Variants in PSAP observed in about 807,000 individuals in gnomAD.
The protein encoded by PSAP is precursor of saposins.
A neutral mutation model predicts 66.0 loss-of-function variants in PSAP; 25 were observed. The observed-to-expected ratio is 0.38, with a 90% CI of 0.28 to 0.53. The LOEUF (loss-of-function observed/expected upper bound fraction) is 0.53. Ranked by LOEUF, PSAP falls within the 20% of genes least tolerant of loss-of-function variation. The probability of loss-of-function intolerance (pLI) is 0.83; values close to 1 mark genes in which losing one functional copy is unlikely to be tolerated. For missense variants in PSAP, 649 were observed against 668.8 expected (o/e 0.97, Z 0.33); for synonymous variants, 273 against 258.9 (o/e 1.05, Z -0.52).
chr10:71,835,258 T>C (rs1255831736), intron 1 of PSAP, among the ~76,000 whole-genome samples: 1 of 147,732 alleles, frequency 6.8e-6, no homozygotes, highest in African/African-American at 2.5e-5. Flanking sequence ...AAAATAAAAA[T>C]TAAAATTAAA....
At chr10:71,817,652 G>A (rs1179768402) in intron 13 of PSAP, among the ~76,000 whole-genome samples, 176 bp from the exon 14 acceptor site, 1 of 152,190 alleles carries the variant, frequency 6.6e-6, no homozygotes, top group Admixed American at 6.5e-5. Context: ...GGAACACGTG[G>A]CCATCAGAGT....
chr10:71,822,690 C>A (rs565516413), intron 7 of PSAP: 17 of 471,232 alleles, frequency 3.6e-5, no homozygotes, highest in South Asian at 2.2e-4. Flanking sequence ...AAGAGTGAGA[C>A]AAGTGTATAG....
At chr10:71,822,292 G>C in intron 7 of PSAP, 1 of 482,762 alleles carries the variant, frequency 2.1e-6, no homozygotes, top group South Asian at 2.0e-5. Context: ...AGACTCCCCA[G>C]CACCTTCCAC....
At chr10:71,823,932 A>G (rs753140707) in intron 7 of PSAP, 2 of 1,290,000 alleles carry the variant, frequency 1.6e-6, no homozygotes, top group African/African-American at 1.5e-5. Context: ...GGAGGTGAAA[A>G]TAAGAGAAAG....
chr10:71,848,958 G>A (rs1293924013), intron 1 of PSAP, among the ~76,000 whole-genome samples: 1 of 152,110 alleles, frequency 6.6e-6, no homozygotes, highest in Non-Finnish European at 1.5e-5. Flanking sequence ...TAAATATTGT[G>A]GTTAACCATA....
chr10:71,832,053 C>T, intron 2 of PSAP, 133 bp from the exon 3 acceptor site: 2 of 895,546 alleles, frequency 2.2e-6, no homozygotes, highest in Non-Finnish European at 3.6e-6. Flanking sequence ...CTGTCACATC[C>T]TGGTTCTCCA....
At chr10:71,840,436 AACAGCT>A (rs1282460103) in intron 1 of PSAP, among the ~76,000 whole-genome samples, 4 of 152,390 alleles carry the variant, frequency 2.6e-5, no homozygotes, top group Non-Finnish European at 5.9e-5. Flanking sequence ...TAGCTACTCA[AACAGCT>A]ATTGCCACAA....
At position 71,838,283 on chromosome 10, in the gene PSAP, C is replaced by T. The variant is rs541833167; in HGVS notation, c.41-3778G>A. ...GTGCAGACTCAAAGGGAAAACAGAA[C>T]AGCAAGGGCCAATAGCACCAGGAGA... On this transcript the variant is annotated intron_variant, in intron 1 of 13. Transcript: ENST00000394936. Among the ~76,000 whole-genome samples, 13 of 152,358 alleles carry T rather than the reference C, an allele frequency of 8.5e-5. No individual in the cohort carries two copies. The South Asian group carries it at 2.7e-3, about 32-fold the overall frequency.
At chr10:71,824,035 G>T in intron 7 of PSAP, 1 of 588,228 alleles carries the variant, frequency 1.7e-6, no homozygotes, top group Non-Finnish European at 2.8e-6. Flanking sequence ...AAATGCTCTT[G>T]CAATCAGATC....
intron 6 of PSAP, 68 bp from the exon 7 acceptor site, chr10:71,825,961 A>AC (rs1215186824): frequency 3.3e-5 from 45 of 1,351,450 alleles, no homozygotes; most frequent in Non-Finnish European, 4.6e-5. Flanking sequence ...ACCAACAAAA[A>AC]CCCCCCAGCA....
chr10:71,846,470 A>AT (rs907768687), intron 1 of PSAP, among the ~76,000 whole-genome samples: 4 of 151,602 alleles, frequency 2.6e-5, no homozygotes, highest in African/African-American at 9.7e-5. Context: ...CACGCCTGTA[A>AT]TCCCAACACT....
chr10:71,833,143 T>C (rs763149984), intron 2 of PSAP, among the ~76,000 whole-genome samples: 3 of 151,940 alleles, frequency 2.0e-5, no homozygotes, highest in African/African-American at 7.2e-5. Context: ...AAAAACAAGA[T>C]TGAAGGCAAA....
intron 13 of PSAP, 108 bp from the exon 14 acceptor site, chr10:71,817,584 G>C (rs2133026293): frequency 9.2e-7 from 1 of 1,084,502 alleles, no homozygotes; most frequent in African/African-American, 1.5e-5. Context: ...TCTTGTCCTA[G>C]GTCAGCTGGA....
intron 1 of PSAP, among the ~76,000 whole-genome samples, chr10:71,847,755 T>C (rs1240098076): frequency 6.6e-6 from 1 of 152,180 alleles, no homozygotes; most frequent in Admixed American, 6.5e-5. Flanking sequence ...TATACTCTTA[T>C]TTTCACAGAA....
At position 71,825,862 on chromosome 10, in the gene PSAP, A is replaced by C. The variant is rs761070728; in HGVS notation, c.752T>G (p.Ile251Ser). The change falls in exon 7 of 14, where the codon ATT (isoleucine) becomes AGT (serine). Residue 251 changes from isoleucine (I) to serine (S), a missense_variant. Transcript: ENST00000394936. Reference protein sequence around the residue: ...CKNYISQYSEIAIQMMMHMQP... With the variant: ...CKNYISQYSESAIQMMMHMQP... ...CATGTGCATCATCATCTGGATAGCA[A>C]TTTCAGAATACTGGCTGATATAGTT... 1 of 1,613,736 alleles carries C rather than the reference A, an allele frequency of 6.2e-7. No homozygotes were observed. Among genetic ancestry groups the C allele is most frequent in the Admixed American group, 1.7e-5 (1 of 60,020 alleles).
At chr10:71,831,081 G>A (rs747757214) in intron 4 of PSAP, 45 bp downstream of exon 4, 12 of 1,611,610 alleles carry the variant, frequency 7.4e-6, no homozygotes, top group Non-Finnish European at 9.3e-6. Context: ...CCTCTCCTGG[G>A]CCCCAGAAGC....
At chr10:71,823,910 A>C in intron 7 of PSAP, 1 of 1,296,556 alleles carries the variant, frequency 7.7e-7, no homozygotes, top group Non-Finnish European at 1.0e-6. Flanking sequence ...TTGAACAAAA[A>C]AACAGGAAAT....
At chr10:71,829,179 A>T in intron 4 of PSAP, 102 bp from the exon 5 acceptor site, 1 of 1,109,578 alleles carries the variant, frequency 9.0e-7, no homozygotes. Flanking sequence ...TAAATCCCTT[A>T]AAAGAAACAC....
Position 71,829,076 on chromosome 10 carries a change from C to G in PSAP, c.377G>C (p.Ser126Thr). Residue 126 changes from serine (S) to threonine (T), a missense_variant and splice_region_variant, in exon 5 of 14, where the codon AGC (serine) becomes ACC (threonine). Physicochemically the swap from Ser to Thr is moderately conservative, Grantham distance 58. Coordinates refer to ENST00000394936, the MANE Select transcript of PSAP (RefSeq NM_002778.4). ...VILDIIKGEM[S>T]RPGEVCSALN... The stretch of plus-strand genomic sequence containing the variant: ...AGCAGAGCACACCTCCCCAGGACGG[C>G]TCTGGTGGGATGGAAAGAAGTCCTG... 2 of 1,613,796 alleles carry G rather than the reference C, an allele frequency of 1.2e-6. No homozygotes were observed. Among genetic ancestry groups the G allele is most frequent in the Non-Finnish European group, 1.7e-6 (2 of 1,179,836 alleles).
Sources: allele counts gnomAD v4.1 joint callset (sites outside exome capture counted in the v4.1 genomes callset), GRCh38; gene constraint gnomAD v4.1.1; transcripts MANE v1.5; gene names NCBI Gene and HGNC (gene_info 2026-07-23, HGNC 2026-07-21).